The following N4BP2 variants were observed in gnomAD, a reference collection of about 807,000 sequenced individuals.
N4BP2 encodes NEDD4 binding protein 2.
Under a neutral mutation model 152.8 loss-of-function variants are expected in N4BP2, and 91 were observed. That is an observed-to-expected ratio of 0.60 (90% CI 0.50 to 0.71). The LOEUF is 0.71. N4BP2 is among the 30% of genes least tolerant of loss of function. The pLI is 0.00. For missense variants in N4BP2, 1,923 were observed against 2,059.1 expected, an observed-to-expected ratio of 0.93 and a Z score of 1.28; for synonymous variants, 646 against 705.3, an observed-to-expected ratio of 0.92 and a Z score of 1.33.
At chr4:40,172,829 A>G in the N4BP2 span, among the ~76,000 whole-genome samples, 1 of 152,220 alleles carries the variant, frequency 6.6e-6, no homozygotes, top group Non-Finnish European at 1.5e-5. Context: ...AATGTGTTTT[A>G]TAATATCTTA....
chr4:40,144,879 GTC>G lies in N4BP2; in HGVS notation c.5143+81_5143+82del, dbSNP rs2110038215. 2.8e-6 allele frequency: 3 copies of G among 1,090,458 alleles called. No homozygotes were observed. In the South Asian group the frequency reaches 5.5e-5, roughly 20 times the overall value. The allele number at this position is 1,090,458 out of a possible 1,614,324, so 67.5% of individuals were successfully genotyped here. On this transcript the variant is annotated intron_variant, in intron 16 of 17. Coordinates refer to ENST00000261435, the MANE Select transcript of N4BP2 (RefSeq NM_018177.6). The stretch of plus-strand genomic sequence containing the variant: ...TGGTATAGCTTGCAAATTCAGGAGA[GTC>G]TGAATATGCAGGCTGAGAATATCTG...
intron 2 of N4BP2, among the ~76,000 whole-genome samples, chr4:40,092,886 C>T (rs571825065): frequency 1.2e-4 from 18 of 151,710 alleles, no homozygotes; most frequent in South Asian, 4.2e-4. Flanking sequence ...TCAGGTGATC[C>T]ACCCACCTCA....
In N4BP2 at chr4:40,123,128, G is replaced by A; in HGVS notation, c.4200G>A (p.Gly1400=). ...CTTCCCTCCCCCTTCCCCCACAAGGGTCTCTAACAGTTGAAGATTGTGTGG... is the reference window on the plus strand; with the variant it reads ...CTTCCCTCCCCCTTCCCCCACAAGGATCTCTAACAGTTGAAGATTGTGTGG... ...ELFGPVGIDS[G]SLTVEDCVVH... is the part of the protein sequence containing the mutation. Residue 1400 remains glycine (G), a splice_region_variant and synonymous_variant, in exon 10 of 18, where the codon GGG becomes GGA. Coordinates refer to ENST00000261435, the MANE Select transcript of N4BP2 (RefSeq NM_018177.6). 1.3e-6 allele frequency: 2 copies of A among 1,598,886 alleles called. No individual in the cohort carries two copies. The highest frequency in any genetic ancestry group is 1.7e-6 in the Non-Finnish European group (2 of 1,169,208).
the N4BP2 span, among the ~76,000 whole-genome samples, chr4:40,172,581 GGA>G: frequency 6.6e-6 from 1 of 152,198 alleles, no homozygotes; most frequent in East Asian, 1.9e-4. Flanking sequence ...ACACAGGCAA[GGA>G]GAGAGGCCTG....
intron 16 of N4BP2, among the ~76,000 whole-genome samples, chr4:40,147,329 C>G (rs1200214154): frequency 6.6e-6 from 1 of 152,368 alleles, no homozygotes; most frequent in South Asian, 2.1e-4. Context: ...ACAGACACAG[C>G]GACCATCCGA....
rs769209263 is a variant in N4BP2, at chr4:40,103,156, C to T, written c.1311C>T (p.Tyr437=). The T allele has an allele frequency of 5.3e-5, 85 of 1,614,002 alleles. No individual in the cohort carries two copies. Among genetic ancestry groups the T allele is most frequent in the African/African-American group, 6.7e-5 (5 of 74,918 alleles). The change falls in exon 4 of 18, where the codon TAC becomes TAT. Residue 437 remains tyrosine (Y), a synonymous_variant. Coordinates refer to ENST00000261435, the MANE Select transcript of N4BP2 (RefSeq NM_018177.6). ...AGGTTGTAAGAAAGAAGACATCTTA[C>T]GTTGGACTAGTTCTTGTTCTTCTCA... ...VSQVVRKKTS[Y]VGLVLVLLRG...
At position 40,102,946 on chromosome 4, in the gene N4BP2, T is replaced by G. The variant is rs1715845649; in HGVS notation, c.1101T>G (p.Ile367Met). ...CTCCACCGATGTGGAATCCAATGAT[T>G]CCTGCTTTTGACCTCTTCCAAGGAA... ...PPPPPMWNPM[I>M]PAFDLFQGNH... The change falls in exon 4 of 18, where the codon ATT becomes ATG. Residue 367 changes from isoleucine (I) to methionine (M), a missense_variant. Transcript: ENST00000261435. 1.2e-6 allele frequency: 2 copies of G among 1,614,204 alleles called. No homozygotes were observed. Among genetic ancestry groups the G allele is most frequent in the African/African-American group, 1.3e-5 (1 of 75,038 alleles).
rs745585197 is a variant in N4BP2 at position 40,121,475 on chromosome 4, A to G, written c.3364A>G (p.Thr1122Ala). Residue 1122 changes from threonine to alanine, a missense_variant, in exon 9 of 18, where the codon ACA becomes GCA. Thr to Ala is a moderately conservative substitution (Grantham distance 58). Transcript: ENST00000261435. ...GTGCAATAAAGATATTATTTGGGCC[A>G]CAAGCCTTTTGTTGGATTCTGAAAC... ...ERCNKDIIWA[T>A]SLLLDSETKL... 1.2e-6 allele frequency: 2 copies of G among 1,614,152 alleles called. No homozygotes were observed. The highest frequency in any genetic ancestry group is 1.7e-5 in the Admixed American group (1 of 60,014).
chr4:40,172,166 G>A, the N4BP2 span, among the ~76,000 whole-genome samples: 2 of 151,958 alleles, frequency 1.3e-5, no homozygotes, highest in Admixed American at 6.6e-5. Flanking sequence ...TGCCCACCTC[G>A]GCCTCCCAAA....
chr4:40,171,730 G>T, the N4BP2 span, among the ~76,000 whole-genome samples: 1 of 152,142 alleles, frequency 6.6e-6, no homozygotes, highest in African/African-American at 2.4e-5. Context: ...CCATCTGCAG[G>T]CTGAGGAACA....
At chr4:40,064,494 C>G (rs1485830891) in intron 1 of N4BP2, among the ~76,000 whole-genome samples, 1 of 152,046 alleles carries the variant, frequency 6.6e-6, no homozygotes, top group Non-Finnish European at 1.5e-5. Flanking sequence ...AGGCTGGTCT[C>G]AAACTCCCGA....
intron 2 of N4BP2, among the ~76,000 whole-genome samples, chr4:40,074,535 T>C (rs969652709): frequency 2.2e-4 from 34 of 152,198 alleles, no homozygotes; most frequent in African/African-American, 7.9e-4. Flanking sequence ...CTTTTACTTA[T>C]ATATTTGAGG....
At chr4:40,060,632 T>C (rs1368472688) in intron 1 of N4BP2, among the ~76,000 whole-genome samples, 4 of 150,060 alleles carry the variant, frequency 2.7e-5, no homozygotes, top group Non-Finnish European at 3.0e-5. Context: ...AGACAGGGTC[T>C]CCCTCTGTTG....
chr4:40,172,540 A>G, the N4BP2 span, among the ~76,000 whole-genome samples: 1 of 152,224 alleles, frequency 6.6e-6, no homozygotes, highest in Non-Finnish European at 1.5e-5. Flanking sequence ...CAGAGGGAAG[A>G]TGATGTGAAG....
chr4:40,103,165 A>G lies in N4BP2; in HGVS notation c.1320A>G (p.Leu440=). ...GAAAGAAGACATCTTACGTTGGACT[A>G]GTTCTTGTTCTTCTCAGAGGTCTTC... ...VVRKKTSYVG[L]VLVLLRGLPG... is the part of the protein sequence containing the mutation. Residue 440 remains leucine, a synonymous_variant, in exon 4 of 18, where the codon CTA becomes CTG. Transcript: ENST00000261435. 6.2e-7 allele frequency: 1 copy of G among 1,614,132 alleles called. No individual in the cohort carries two copies. Among genetic ancestry groups the G allele is most frequent in the South Asian group, 1.1e-5 (1 of 91,078 alleles).
At chr4:40,072,212 A>T (rs1420963290) in intron 1 of N4BP2, among the ~76,000 whole-genome samples, 1 of 149,316 alleles carries the variant, frequency 6.7e-6, no homozygotes. Context: ...GTAAGCTGAG[A>T]CTACAGGCGT....
chr4:40,102,649 A>C lies in N4BP2; in HGVS notation c.804A>C (p.Glu268Asp). The C allele has an allele frequency of 6.2e-7, 1 of 1,614,098 alleles. No homozygotes were observed. ...GCAGTCTCAATCAAAAACAGAAAGA[A>C]CTTTTAGAATCTGAGTGCGTTGAGG... ...GCSSLNQKQKELLESECVEAQ... is the reference protein window; with the variant it reads ...GCSSLNQKQKDLLESECVEAQ... The change falls in exon 4 of 18, where the codon GAA becomes GAC. Residue 268 changes from glutamate (E) to aspartate (D), a missense_variant. Glu to Asp is a conservative substitution (Grantham distance 45). Transcript: ENST00000261435.
Position 40,126,214 on chromosome 4 carries a change from A to C in N4BP2, c.4411A>C (p.Thr1471Pro), listed in dbSNP as rs769093389. 3 of 1,609,548 alleles carry C rather than the reference A, an allele frequency of 1.9e-6. No individual in the cohort carries two copies. Among genetic ancestry groups the C allele is most frequent in the Non-Finnish European group, 2.5e-6 (3 of 1,178,166 alleles). The change falls in exon 12 of 18, where the codon ACT becomes CCT. Residue 1471 changes from threonine to proline, a missense_variant. Thr to Pro is a conservative substitution (Grantham distance 38, BLOSUM62 -1). Transcript: ENST00000261435. Reference protein sequence around the residue: ...SQRTGKKLLKTLTASEMLPLL... With the variant: ...SQRTGKKLLKPLTASEMLPLL... ...GAGAACAGGCAAAAAATTACTGAAG[A>C]CTTTAACAGCATCTGAAATGCTACC...
chr4:40,175,636 G>A, the N4BP2 span, among the ~76,000 whole-genome samples: 1 of 151,720 alleles, frequency 6.6e-6, no homozygotes, highest in African/African-American at 2.4e-5. Flanking sequence ...GCAAAGCCCT[G>A]TTTCTACCAA....
Sources: allele counts gnomAD v4.1 joint callset (sites outside exome capture counted in the v4.1 genomes callset), GRCh38; gene constraint gnomAD v4.1.1; transcripts MANE v1.5; gene names NCBI Gene and HGNC (gene_info 2026-07-23, HGNC 2026-07-21).